RP1: variants seen among roughly 807,000 people sequenced by gnomAD.
RP1 encodes oxygen-regulated protein 1.
Under a neutral mutation model 14.8 loss-of-function variants are expected in RP1, and 16 were observed. The observed-to-expected ratio is 1.08, with a 90% CI of 0.73 to 1.65. RP1 has a LOEUF of 1.65. RP1 is among the 40% of genes most tolerant of loss of function. The pLI is 0.00. For synonymous variants in RP1, 876 were observed against 883.6 expected, an observed-to-expected ratio of 0.99 and a Z score of 0.15; for missense variants, 2,631 against 2,535.0, an observed-to-expected ratio of 1.04 and a Z score of -0.81.
At chr8:54,562,032 T>C (rs900680463) in intron 1 of RP1, 3 of 152,230 alleles carry the variant, frequency 2.0e-5, no homozygotes, top group African/African-American at 4.8e-5. Flanking sequence ...AGAAGGTATA[T>C]GAAATTGACT....
chr8:54,776,992 C>A (rs936176983), intron 23 of RP1, among the ~76,000 whole-genome samples: 2 of 152,176 alleles, frequency 1.3e-5, no homozygotes, highest in African/African-American at 4.8e-5. Flanking sequence ...GCTGAGTGTT[C>A]TGGTTAGCAG....
chr8:54,834,872 T>C (rs1811622023), intron 24 of RP1, among the ~76,000 whole-genome samples: 1 of 152,148 alleles, frequency 6.6e-6, no homozygotes, highest in Non-Finnish European at 1.5e-5. Context: ...TGAGTTAAGA[T>C]AAAATGTCCC....
chr8:54,607,847 C>A (rs60749292), intron 1 of RP1, among the ~76,000 whole-genome samples: 2 of 152,158 alleles, frequency 1.3e-5, no homozygotes, highest in Non-Finnish European at 2.9e-5. Context: ...CTGAGCCATG[C>A]GTGGGATATA....
chr8:54,630,515 T>C lies in RP1; in HGVS notation c.*162T>C. On this transcript the variant is annotated 3_prime_UTR_variant, in exon 4 of 4. Coordinates refer to ENST00000220676, the MANE Select transcript of RP1 (RefSeq NM_006269.2). ...TGGATAACCAGTTTGACTTTCATAA[T>C]GTCTCTGTTTTTTGTTTTTCCAACA... The C allele has an allele frequency of 7.0e-7, 1 of 1,430,764 alleles. No homozygotes were observed. Among genetic ancestry groups the C allele is most frequent in the Non-Finnish European group, 9.1e-7 (1 of 1,098,292 alleles). 88.6% of individuals were successfully genotyped at this position (1,430,764 alleles called of 1,614,324 possible). A position where few individuals can be genotyped will look rare whatever the true frequency, so the allele number is the denominator to read the frequency against.
At chr8:54,694,916 T>C (rs558650328) in intron 12 of RP1, among the ~76,000 whole-genome samples, 33 of 152,324 alleles carry the variant, frequency 2.2e-4, no homozygotes, top group African/African-American at 7.9e-4. Flanking sequence ...GATGTTAGGA[T>C]GTCAATTTTG....
Position 54,625,906 on chromosome 8 carries a change from A to G in RP1, c.2024A>G (p.Lys675Arg), listed in dbSNP as rs755107767. Reference sequence around the variant, plus strand: ...TCTGTTGCCAGCAAAAAGAAGAAAAAATCTCGACAGCAAGCAATAAATTCC... The same window carrying G: ...TCTGTTGCCAGCAAAAAGAAGAAAAGATCTCGACAGCAAGCAATAAATTCC... ...LSSVASKKKK[K>R]SRQQAINSRY... The change falls in exon 4 of 4, where the codon AAA becomes AGA. Residue 675 changes from lysine to arginine, a missense_variant. Transcript: ENST00000220676. 2 of 1,613,912 alleles carry G rather than the reference A, an allele frequency of 1.2e-6. No individual in the cohort carries two copies. The highest frequency in any genetic ancestry group is 4.5e-5 in the East Asian group (2 of 44,856).
intron 24 of RP1, among the ~76,000 whole-genome samples, chr8:54,812,575 C>T (rs768689496): frequency 3.3e-5 from 5 of 152,156 alleles, no homozygotes; most frequent in African/African-American, 4.8e-5. Flanking sequence ...TAGAAAGATC[C>T]GTAAAGTTAT....
At chr8:54,836,242 G>A (rs1563391271) in intron 24 of RP1, among the ~76,000 whole-genome samples, 1 of 152,178 alleles carries the variant, frequency 6.6e-6, no homozygotes, top group Non-Finnish European at 1.5e-5. Flanking sequence ...GTGGGGATTA[G>A]GGCAGATGAA....
At chr8:54,829,082 G>A (rs935747922) in intron 24 of RP1, among the ~76,000 whole-genome samples, 12 of 151,588 alleles carry the variant, frequency 7.9e-5, no homozygotes, top group African/African-American at 1.9e-4. Context: ...TAGTAGAGAC[G>A]GGGTTTTGCC....
rs144810519 is a variant in RP1, at chr8:54,797,950, C to T, written c.3615+14240C>T. On this transcript the variant is annotated intron_variant, in intron 24 of 28. Transcript: ENST00000637698. The stretch of plus-strand genomic sequence containing the variant: ...TTTTGCAGTGTGGTGATTTTAGACA[C>T]ATGTCACATTATAGAACTGGCTATA... Among the ~76,000 whole-genome samples, 371 of 146,022 alleles carry T rather than the reference C, an allele frequency of 2.5e-3. 4 individuals carry two copies. The highest frequency in any genetic ancestry group is 9.0e-3 in the African/African-American group (351 of 39,176).
chr8:54,638,302 G>A (rs1382985215), intron 3 of RP1, among the ~76,000 whole-genome samples: 1 of 152,014 alleles, frequency 6.6e-6, no homozygotes, highest in African/African-American at 2.4e-5. Flanking sequence ...GCCAGGCATG[G>A]TGTTGTGCAC....
rs1257862814 is a variant in RP1 at position 54,626,323 on chromosome 8, T to A, written c.2441T>A (p.Phe814Tyr). 1.9e-6 allele frequency: 3 copies of A among 1,613,456 alleles called. No homozygotes were observed. Among genetic ancestry groups the A allele is most frequent in the Non-Finnish European group, 2.5e-6 (3 of 1,179,832 alleles). ...HNESKYCKST[F>Y]ENKSLFHVFN... ...GAATCTAAATATTGCAAAAGTACTT[T>A]TGAAAACAAAAGTTTATTTCATGTA... is the stretch of plus-strand genomic sequence containing the variant. Residue 814 changes from phenylalanine (F) to tyrosine (Y), a missense_variant, in exon 4 of 4, where the codon TTT becomes TAT. Transcript: ENST00000220676.
intron 16 of RP1, among the ~76,000 whole-genome samples, chr8:54,720,812 C>T (rs551003101): frequency 6.6e-6 from 1 of 152,268 alleles, no homozygotes; most frequent in South Asian, 2.1e-4. Flanking sequence ...ATCTAAGTTC[C>T]TGTTCTCTAG....
chr8:54,580,197 G>C (rs1261037710), intron 1 of RP1, among the ~76,000 whole-genome samples: 1 of 149,562 alleles, frequency 6.7e-6, no homozygotes, highest in Non-Finnish European at 1.5e-5. Flanking sequence ...TAAAGCACTT[G>C]GTGTAATGCC....
intron 24 of RP1, among the ~76,000 whole-genome samples, chr8:54,814,463 G>A (rs1585715494): frequency 6.6e-6 from 1 of 152,270 alleles, no homozygotes; most frequent in East Asian, 1.9e-4. Context: ...TTTCTGTAGA[G>A]AACAAGAAGC....
intron 15 of RP1, among the ~76,000 whole-genome samples, chr8:54,708,036 G>C (rs1409498693): frequency 6.6e-6 from 1 of 152,186 alleles, no homozygotes; most frequent in African/African-American, 2.4e-5. Context: ...CCCTAGGACA[G>C]AGTGTCCTGG....
At chr8:54,671,367 T>G (rs541633309) in intron 7 of RP1, among the ~76,000 whole-genome samples, 1 of 152,246 alleles carries the variant, frequency 6.6e-6, no homozygotes, top group South Asian at 2.1e-4. Flanking sequence ...ACATGTGCAT[T>G]TCACTCCTCA....
At chr8:54,718,711 A>T (rs1808464373) in intron 15 of RP1, among the ~76,000 whole-genome samples, 1 of 152,198 alleles carries the variant, frequency 6.6e-6, no homozygotes, top group Non-Finnish European at 1.5e-5. Flanking sequence ...GAGGAAACTT[A>T]AATGCATATT....
intron 14 of RP1, among the ~76,000 whole-genome samples, chr8:54,704,769 C>T (rs1808109641): frequency 6.6e-6 from 1 of 152,172 alleles, no homozygotes; most frequent in South Asian, 2.1e-4. Context: ...TTAACTCATA[C>T]ATCTCATGTT....
Sources: gnomAD v4.1 joint callset for allele counts (sites outside exome capture counted in the v4.1 genomes callset) on GRCh38, gnomAD v4.1.1 for gene constraint, MANE v1.5 for transcripts, NCBI Gene and HGNC (gene_info 2026-07-23, HGNC 2026-07-21) for gene names.